Variants in CNTNAP2 observed in about 807,000 individuals in gnomAD.
The protein encoded by CNTNAP2 is contactin-associated protein-like 2.
Under a neutral mutation model 155.2 loss-of-function variants are expected in CNTNAP2, and 98 were observed. The observed-to-expected ratio is 0.63, with a 90% confidence interval of 0.54 to 0.75. The LOEUF (loss-of-function observed/expected upper bound fraction) is 0.75. CNTNAP2 is among the 30% of genes least tolerant of loss of function. The pLI, the probability that CNTNAP2 is intolerant of heterozygous loss-of-function variation, is 0.00. For missense variants in CNTNAP2, 1,727 were observed against 1,688.1 expected (o/e 1.02, Z -0.40); for synonymous variants, 651 against 631.2 (o/e 1.03, Z -0.47).
At chr7:147,431,801 C>G (rs1348955086) in intron 10 of CNTNAP2, among the ~76,000 whole-genome samples, 1 of 152,158 alleles carries the variant, frequency 6.6e-6, no homozygotes, top group African/African-American at 2.4e-5. Context: ...TCTGCCTGCC[C>G]CTGCTAATTT....
chr7:146,956,825 G>C (rs979505945), intron 3 of CNTNAP2, among the ~76,000 whole-genome samples: 3 of 152,114 alleles, frequency 2.0e-5, no homozygotes, highest in African/African-American at 7.2e-5. Flanking sequence ...AATGGATTTG[G>C]AAGAGTAACG....
At chr7:148,079,519 T>C (rs1256880043) in intron 15 of CNTNAP2, among the ~76,000 whole-genome samples, 1 of 152,184 alleles carries the variant, frequency 6.6e-6, no homozygotes, top group Admixed American at 6.5e-5. Flanking sequence ...AAATGTTTCT[T>C]ATCAGACTTA....
intron 1 of CNTNAP2, among the ~76,000 whole-genome samples, chr7:146,368,101 C>T (rs764454716): frequency 6.6e-6 from 1 of 152,124 alleles, no homozygotes; most frequent in Non-Finnish European, 1.5e-5. Context: ...ATCCCCAATG[C>T]CCTTTTCCCT....
At chr7:146,426,262 G>A (rs1796088264) in intron 1 of CNTNAP2, among the ~76,000 whole-genome samples, 1 of 149,244 alleles carries the variant, frequency 6.7e-6, no homozygotes, top group South Asian at 2.1e-4. Context: ...ACCCACTGCA[G>A]GAGCAGAGCA....
At chr7:146,186,079 TG>T (rs1053235973) in intron 1 of CNTNAP2, among the ~76,000 whole-genome samples, 1 of 152,184 alleles carries the variant, frequency 6.6e-6, no homozygotes, top group Non-Finnish European at 1.5e-5. Context: ...GCCAGATTTT[TG>T]TTAAGGATTG....
chr7:147,104,572 C>T (rs1440031167), intron 4 of CNTNAP2, among the ~76,000 whole-genome samples: 1 of 151,204 alleles, frequency 6.6e-6, no homozygotes, highest in Non-Finnish European at 1.5e-5. Flanking sequence ...TAACTGAAAA[C>T]ATTTGATGGG....
At chr7:146,796,483 G>A (rs913829592) in intron 2 of CNTNAP2, among the ~76,000 whole-genome samples, 2 of 152,068 alleles carry the variant, frequency 1.3e-5, no homozygotes, top group Non-Finnish European at 2.9e-5. Flanking sequence ...AGCTTCTCCT[G>A]GGGTACTTTG....
At chr7:148,290,702 G>A (rs530945505) in intron 21 of CNTNAP2, among the ~76,000 whole-genome samples, 4 of 152,240 alleles carry the variant, frequency 2.6e-5, no homozygotes, top group Non-Finnish European at 4.4e-5. Flanking sequence ...ATTCCCTGTC[G>A]TAATTAGACC....
chr7:147,501,298 A>G (rs1336085926), intron 11 of CNTNAP2, among the ~76,000 whole-genome samples: 4 of 151,950 alleles, frequency 2.6e-5, no homozygotes, highest in Admixed American at 2.0e-4. Flanking sequence ...GAAAAACTGA[A>G]CGCTTTCCCT....
Position 148,096,599 on chromosome 7 carries a change from G to A in CNTNAP2, c.2384-21519G>A, listed in dbSNP as rs539335192. 6.6e-5 allele frequency among the ~76,000 whole-genome samples: 10 copies of A among 152,174 alleles called. No individual in the cohort carries two copies. In the East Asian group the frequency reaches 1.4e-3, roughly 21 times the overall value. Reference sequence around the variant, plus strand: ...TGGTTGATGAATAGTGAGAGTAGGGGTGAATAGAGGTAAAGCAGGAGACAC... The same window carrying A: ...TGGTTGATGAATAGTGAGAGTAGGGATGAATAGAGGTAAAGCAGGAGACAC... On this transcript the variant is annotated intron_variant, in intron 15 of 23. Coordinates refer to ENST00000361727, the MANE Select transcript of CNTNAP2 (RefSeq NM_014141.6).
chr7:146,251,712 A>G (rs2116944198), intron 1 of CNTNAP2, among the ~76,000 whole-genome samples: 1 of 152,346 alleles, frequency 6.6e-6, no homozygotes, highest in African/African-American at 2.4e-5. Context: ...CATTTTTCTA[A>G]CTTAATATTC....
At chr7:147,260,115 G>A (rs568471463) in intron 8 of CNTNAP2, among the ~76,000 whole-genome samples, 1 of 152,240 alleles carries the variant, frequency 6.6e-6, no homozygotes, top group East Asian at 1.9e-4. Context: ...AAGGACGAAG[G>A]CAAACTAAAC....
intron 1 of CNTNAP2, among the ~76,000 whole-genome samples, chr7:146,721,242 C>T (rs994529581): frequency 8.1e-6 from 1 of 123,232 alleles, no homozygotes; most frequent in African/African-American, 3.1e-5. Flanking sequence ...TATATACTCT[C>T]TCTATATTCT....
chr7:147,772,254 T>C (rs1797481520), intron 13 of CNTNAP2, among the ~76,000 whole-genome samples: 1 of 150,830 alleles, frequency 6.6e-6, no homozygotes, highest in South Asian at 2.1e-4. Flanking sequence ...TGAAATTGCG[T>C]CTCTACTAAA....
chr7:146,462,831 C>A (rs1190529928), intron 1 of CNTNAP2, among the ~76,000 whole-genome samples: 2 of 152,142 alleles, frequency 1.3e-5, no homozygotes, highest in African/African-American at 2.4e-5. Flanking sequence ...TCCCTTGCAA[C>A]AGTTTGGGCG....
At chr7:146,802,125 G>C (rs1802889053) in intron 2 of CNTNAP2, among the ~76,000 whole-genome samples, 1 of 152,180 alleles carries the variant, frequency 6.6e-6, no homozygotes, top group South Asian at 2.1e-4. Context: ...TCAACTCACA[G>C]TTCTATAGGT....
At chr7:146,856,003 T>A (rs1257455321) in intron 3 of CNTNAP2, among the ~76,000 whole-genome samples, 4 of 151,622 alleles carry the variant, frequency 2.6e-5, no homozygotes, top group African/African-American at 9.7e-5. Context: ...AGAAAAATTT[T>A]ACCAGGTTGT....
chr7:147,167,031 T>C (rs1365454952), intron 8 of CNTNAP2, among the ~76,000 whole-genome samples: 2 of 152,128 alleles, frequency 1.3e-5, no homozygotes, highest in Non-Finnish European at 2.9e-5. Flanking sequence ...GGCTGCTTTG[T>C]TTTTTTAATC....
At chr7:147,518,343 G>A (rs1259800942) in intron 11 of CNTNAP2, among the ~76,000 whole-genome samples, 1 of 152,136 alleles carries the variant, frequency 6.6e-6, no homozygotes, top group African/African-American at 2.4e-5. Flanking sequence ...AGACTGGGGA[G>A]AGAAAAAATA....
Sources: allele counts gnomAD v4.1 joint callset (sites outside exome capture counted in the v4.1 genomes callset), GRCh38; gene constraint gnomAD v4.1.1; transcripts MANE v1.5; gene names NCBI Gene and HGNC (gene_info 2026-07-23, HGNC 2026-07-21).